Variants in ELAPOR2 observed in about 807,000 individuals in gnomAD.
ELAPOR2 encodes the protein endosome-lysosome associated apoptosis and autophagy regulator family member 2, also known as endosome/lysosome-associated apoptosis and autophagy regulator family member 2.
A neutral mutation model predicts 120.7 loss-of-function variants in ELAPOR2; 89 were observed. That is an observed-to-expected ratio of 0.74 (90% CI 0.62 to 0.88). The LOEUF is 0.88. Among genes scored for constraint, ELAPOR2 ranks in the 40% least tolerant of loss-of-function variants. ELAPOR2 has a pLI of 0.00. For synonymous variants in ELAPOR2, 444 were observed against 444.9 expected, an observed-to-expected ratio of 1.00 and a Z score of 0.03; for missense variants, 1,134 against 1,251.6, an observed-to-expected ratio of 0.91 and a Z score of 1.42.
At chr7:86,888,298 T>G (rs1799788194) in intron 21 of ELAPOR2, among the ~76,000 whole-genome samples, 1 of 152,102 alleles carries the variant, frequency 6.6e-6, no homozygotes, top group South Asian at 2.1e-4. Context: ...AAATTATAGT[T>G]ACTGAAATGA....
intron 2 of ELAPOR2, among the ~76,000 whole-genome samples, chr7:86,956,297 A>G (rs1791471298): frequency 6.6e-6 from 1 of 152,220 alleles, no homozygotes; most frequent in Non-Finnish European, 1.5e-5. Flanking sequence ...TTCATTTTAC[A>G]AAACAAAAGT....
chr7:86,956,882 T>C (rs975112986), intron 2 of ELAPOR2, among the ~76,000 whole-genome samples: 2 of 152,132 alleles, frequency 1.3e-5, no homozygotes, highest in Non-Finnish European at 2.9e-5. Context: ...GAAATCAGTT[T>C]TCTCAACTTT....
intron 1 of ELAPOR2, among the ~76,000 whole-genome samples, chr7:87,042,013 A>C (rs1794804226): frequency 6.6e-6 from 1 of 151,454 alleles, no homozygotes; most frequent in African/African-American, 2.4e-5. Context: ...AGAGACAAAG[A>C]AGGCCATTAC....
chr7:87,006,934 A>G (rs1793501814), intron 1 of ELAPOR2, among the ~76,000 whole-genome samples: 1 of 152,188 alleles, frequency 6.6e-6, no homozygotes, highest in Non-Finnish European at 1.5e-5. Context: ...CATGATGTTG[A>G]GTGAAAGAAG....
intron 1 of ELAPOR2, among the ~76,000 whole-genome samples, chr7:87,027,660 A>T (rs1244953860): frequency 1.3e-5 from 2 of 152,164 alleles, no homozygotes; most frequent in Non-Finnish European, 2.9e-5. Flanking sequence ...GTGAGGATGG[A>T]TGTGAAGAGA....
intron 21 of ELAPOR2, among the ~76,000 whole-genome samples, chr7:86,886,913 G>A (rs967770197): frequency 6.6e-6 from 1 of 152,118 alleles, no homozygotes; most frequent in Non-Finnish European, 1.5e-5. Flanking sequence ...GGCTGCTACA[G>A]ATATTCAATC....
chr7:87,040,195 G>A (rs1350677174), intron 1 of ELAPOR2, among the ~76,000 whole-genome samples: 1 of 152,256 alleles, frequency 6.6e-6, no homozygotes, highest in Non-Finnish European at 1.5e-5. Flanking sequence ...GGCTGGGGGA[G>A]AGGCGCCCGC....
chr7:87,038,676 C>T (rs771296911), intron 1 of ELAPOR2, among the ~76,000 whole-genome samples: 14 of 151,966 alleles, frequency 9.2e-5, no homozygotes, highest in African/African-American at 2.9e-4. Context: ...AAACAATATG[C>T]TCCTGAATGA....
At chr7:86,984,942 A>G (rs1323449126) in intron 1 of ELAPOR2, among the ~76,000 whole-genome samples, 1 of 152,190 alleles carries the variant, frequency 6.6e-6, no homozygotes, top group East Asian at 1.9e-4. Flanking sequence ...TGCTAGCAAG[A>G]CTAATAAAGA....
At position 86,912,992 on chromosome 7, in the gene ELAPOR2, G is replaced by T. The variant is rs1403273034; in HGVS notation, c.1944C>A (p.Val648=). The T allele has an allele frequency of 1.9e-5, 31 of 1,613,996 alleles. No individual in the cohort carries two copies. Among genetic ancestry groups the T allele is most frequent in the Non-Finnish European group, 2.6e-5 (31 of 1,179,948 alleles). Residue 648 remains valine, a synonymous_variant, in exon 14 of 22, where the codon GTC becomes GTA. Transcript: ENST00000450689. The part of the protein sequence containing the change: ...PPDTYLSIHQ[V]YGKEACIPCG... ...ATGGAATACAAGCCTCTTTGCCATAGACCTGATGTATGGACAGGTAGGTGT... is the reference window on the plus strand; with the variant it reads ...ATGGAATACAAGCCTCTTTGCCATATACCTGATGTATGGACAGGTAGGTGT...
At chr7:87,019,314 C>T (rs951648221) in intron 1 of ELAPOR2, among the ~76,000 whole-genome samples, 17 of 152,228 alleles carry the variant, frequency 1.1e-4, no homozygotes, top group African/African-American at 3.9e-4. Flanking sequence ...CAGGCATATG[C>T]TACTACACCA....
chr7:86,973,762 T>G (rs1792182582), intron 1 of ELAPOR2, among the ~76,000 whole-genome samples: 1 of 152,160 alleles, frequency 6.6e-6, no homozygotes, highest in Non-Finnish European at 1.5e-5. Context: ...AGGTGGGGCA[T>G]GACATCCAGG....
At position 86,938,156 on chromosome 7, in the gene ELAPOR2, C is replaced by A. The variant is rs375615478; in HGVS notation, c.1059G>T (p.Gln353His). 5 of 1,552,070 alleles carry A rather than the reference C, an allele frequency of 3.2e-6. No homozygotes were observed. Among genetic ancestry groups the A allele is most frequent in the Non-Finnish European group, 3.5e-6 (4 of 1,146,500 alleles). The change falls in exon 8 of 22, where the codon CAG (glutamine) becomes CAT (histidine). Residue 353 changes from glutamine to histidine, a missense_variant. Transcript: ENST00000450689. ...CTTCTTCATCACATGGAGTATGGAT[C>A]TGGAAATAGTCTTTTGTGGTACAGG... Reference protein sequence around the residue: ...RPPCTTKDYFQIHTPCDEEGK... With the variant: ...RPPCTTKDYFHIHTPCDEEGK...
chr7:86,960,210 T>C (rs1791648534), intron 2 of ELAPOR2, among the ~76,000 whole-genome samples: 1 of 152,218 alleles, frequency 6.6e-6, no homozygotes, highest in South Asian at 2.1e-4. Flanking sequence ...GCCTACCTGT[T>C]AGGTCCATTT....
At chr7:86,995,343 G>A (rs1223515323) in intron 1 of ELAPOR2, among the ~76,000 whole-genome samples, 1 of 152,124 alleles carries the variant, frequency 6.6e-6, no homozygotes, top group Non-Finnish European at 1.5e-5. Context: ...GAATAAGAGT[G>A]GCTGTATTAC....
At chr7:86,884,004 G>C (rs989842527) in intron 21 of ELAPOR2, among the ~76,000 whole-genome samples, 3 of 152,124 alleles carry the variant, frequency 2.0e-5, no homozygotes, top group Non-Finnish European at 1.5e-5. Context: ...AATATGGGTT[G>C]ATGAAAGGAT....
intron 8 of ELAPOR2, among the ~76,000 whole-genome samples, chr7:86,934,346 T>C (rs1790469254): frequency 6.6e-6 from 1 of 152,090 alleles, no homozygotes; most frequent in Non-Finnish European, 1.5e-5. Context: ...GGTGAGAGAA[T>C]GCCTTACTGT....
intron 1 of ELAPOR2, among the ~76,000 whole-genome samples, chr7:87,036,909 A>C (rs1389740575): frequency 6.6e-6 from 1 of 152,172 alleles, no homozygotes; most frequent in Non-Finnish European, 1.5e-5. Context: ...ACAAACGTAC[A>C]AATGTACCCC....
At chr7:86,933,672 G>A (rs889571068) in intron 8 of ELAPOR2, among the ~76,000 whole-genome samples, 2 of 151,916 alleles carry the variant, frequency 1.3e-5, no homozygotes, top group Non-Finnish European at 2.9e-5. Flanking sequence ...TCCTCCCCTT[G>A]CTTTTCATGT....
Sources: gnomAD v4.1 joint callset for allele counts (sites outside exome capture counted in the v4.1 genomes callset) on GRCh38, gnomAD v4.1.1 for gene constraint, MANE v1.5 for transcripts, NCBI Gene and HGNC (gene_info 2026-07-23, HGNC 2026-07-21) for gene names.